DRG2: variants seen among roughly 807,000 people sequenced by gnomAD.
DRG2 encodes the protein developmentally-regulated GTP-binding protein 2.
A neutral mutation model predicts 53.4 loss-of-function variants in DRG2; 36 were observed. The ratio of observed to expected loss-of-function variants is 0.67; its 90% CI spans 0.52 to 0.89. The LOEUF is 0.89. Ranked by LOEUF, DRG2 falls within the 40% of genes least tolerant of loss-of-function variation. DRG2 has a pLI of 0.00. For missense variants in DRG2, 342 were observed against 481.2 expected, an observed-to-expected ratio of 0.71 and a Z score of 2.71; for synonymous variants, 167 against 192.1, an observed-to-expected ratio of 0.87 and a Z score of 1.08.
intron 1 of DRG2, among the ~76,000 whole-genome samples, chr17:18,089,267 A>C (rs2045270738): frequency 6.6e-6 from 1 of 152,138 alleles, no homozygotes; most frequent in African/African-American, 2.4e-5. Context: ...GCCTCCAAAT[A>C]GCTGGGATTA....
In DRG2 at chr17:18,099,136, A is replaced by G. The variant is rs1202519127; in HGVS notation, c.376+59A>G. Reference sequence around the variant, plus strand: ...TGGAGCTCTGTTACTGATCGTTGAAATTGGGTGTGGCTGTCATGGAGATCA... The same window carrying G: ...TGGAGCTCTGTTACTGATCGTTGAAGTTGGGTGTGGCTGTCATGGAGATCA... On this transcript the variant is annotated intron_variant, in intron 4 of 12. Transcript: ENST00000225729. The surrounding 1 kb of genome is among the most constrained non-coding windows in gnomAD (Gnocchi z 4.4). 1 of 1,607,938 alleles carries G rather than the reference A, an allele frequency of 6.2e-7. No homozygotes were observed. Among genetic ancestry groups the G allele is most frequent in the Admixed American group, 1.7e-5 (1 of 59,956 alleles).
At position 18,107,337 on chromosome 17, in the gene DRG2, C is replaced by A; in HGVS notation, c.*97C>A. The A allele has an allele frequency of 8.3e-7, 1 of 1,211,976 alleles. No individual in the cohort carries two copies. 75.1% of individuals were successfully genotyped at this position (1,211,976 alleles called of 1,614,324 possible). Reference sequence around the variant, plus strand: ...ACCCAAACAGAAAAATACAAATACACGTACCCCAGGAAGGGGTCCCTCAAG... The same window carrying A: ...ACCCAAACAGAAAAATACAAATACAAGTACCCCAGGAAGGGGTCCCTCAAG... On this transcript the variant is annotated 3_prime_UTR_variant, in exon 13 of 13. Transcript: ENST00000225729.
chr17:18,101,207 C>T (rs2045528103), intron 7 of DRG2, among the ~76,000 whole-genome samples: 1 of 152,214 alleles, frequency 6.6e-6, no homozygotes, highest in Non-Finnish European at 1.5e-5. Flanking sequence ...GTGCTAAAAC[C>T]CAGGCTTCCC....
intron 1 of DRG2, among the ~76,000 whole-genome samples, chr17:18,088,306 C>G (rs932042826): frequency 1.1e-4 from 17 of 152,248 alleles, no homozygotes; most frequent in African/African-American, 3.9e-4. Flanking sequence ...GAGATCTGGT[C>G]AGTCCCAGAC....
chr17:18,096,668 T>G (rs2045438607), intron 2 of DRG2: 1 of 152,274 alleles, frequency 6.6e-6, no homozygotes, highest in Non-Finnish European at 1.5e-5. Context: ...GGCGCTGACT[T>G]ACTTTTTTAC....
chr17:18,099,729 C>T lies in DRG2; in HGVS notation c.467+6C>T, dbSNP rs1203534881. On this transcript the variant is annotated splice_donor_region_variant and intron_variant, in intron 5 of 12. Transcript: ENST00000225729. This position sits in a 1 kb window ranked among gnomAD's most constrained non-coding sequence, Gnocchi z 4.4. Reference sequence around the variant, plus strand: ...ACCAAGGGAGAGGTGCAGAGGTCCGCAGGGTGGGGCATGGGGCAGGCTCAC... The same window carrying T: ...ACCAAGGGAGAGGTGCAGAGGTCCGTAGGGTGGGGCATGGGGCAGGCTCAC... The T allele has an allele frequency of 1.3e-6, 2 of 1,597,178 alleles. No individual in the cohort carries two copies. The highest frequency in any genetic ancestry group is 1.1e-5 in the South Asian group (1 of 87,870).
chr17:18,101,912 C>A lies in DRG2; in HGVS notation c.730-9C>A. The A allele has an allele frequency of 6.2e-7, 1 of 1,609,128 alleles. No homozygotes were observed. Among genetic ancestry groups the A allele is most frequent in the Non-Finnish European group, 8.5e-7 (1 of 1,177,264 alleles). ...TCCTCAGCACCGGCCTCCACCTTCT[C>A]AATCTCAGGTTTATAACAAAATCGA... is the stretch of plus-strand genomic sequence containing the variant. On this transcript the variant is annotated splice_polypyrimidine_tract_variant and intron_variant, in intron 8 of 12. Coordinates refer to ENST00000225729, the MANE Select transcript of DRG2 (RefSeq NM_001388.5).
At chr17:18,101,357 C>A in intron 7 of DRG2, 136 bp from the exon 8 acceptor site, 1 of 715,750 alleles carries the variant, frequency 1.4e-6, no homozygotes, top group Non-Finnish European at 2.3e-6. Context: ...GCATTACAAT[C>A]TTGCAAAACC....
rs1339179864 is a variant in DRG2 at position 18,098,843 on chromosome 17, CT to C, written c.316-173del. 6.6e-6 allele frequency among the ~76,000 whole-genome samples: 1 copy of C among 152,200 alleles called. No homozygotes were observed. Among genetic ancestry groups the C allele is most frequent in the East Asian group, 1.9e-4 (1 of 5,204 alleles). On this transcript the variant is annotated intron_variant, in intron 3 of 12. Transcript: ENST00000225729. The surrounding 1 kb of genome is among the most constrained non-coding windows in gnomAD (Gnocchi z 4.1). ...CCTAGGCGGCTACTCAGCTCATAGG[CT>C]GTGGTCTGCACTGGGCTGGGGTGGT... is the stretch of plus-strand genomic sequence containing the variant.
At position 18,099,580 on chromosome 17, in the gene DRG2, G is replaced by C; in HGVS notation, c.377-53G>C. On this transcript the variant is annotated intron_variant, in intron 4 of 12. Coordinates refer to ENST00000225729, the MANE Select transcript of DRG2 (RefSeq NM_001388.5). This position sits in a 1 kb window ranked among gnomAD's most constrained non-coding sequence, Gnocchi z 4.4. ...CAGGAGTCCAGGGCGCCGTGGGCTG[G>C]GTAGCAGTCACATGGGTCCACATAT... 6.4e-7 allele frequency: 1 copy of C among 1,553,740 alleles called. No individual in the cohort carries two copies. Among genetic ancestry groups the C allele is most frequent in the South Asian group, 1.2e-5 (1 of 84,464 alleles).
rs1356434508 is a variant in DRG2 at position 18,103,490 on chromosome 17, C to G, written c.807-311C>G. The stretch of plus-strand genomic sequence containing the variant: ...GGGTTCCTAGCCTTTGCCCATGGTC[C>G]CGTCACAGCCCCCGGCCATCTCGCC... On this transcript the variant is annotated intron_variant, in intron 9 of 12. Coordinates refer to ENST00000225729, the MANE Select transcript of DRG2 (RefSeq NM_001388.5). The surrounding 1 kb of genome is among the most constrained non-coding windows in gnomAD (Gnocchi z 4.4). Among the ~76,000 whole-genome samples, 1 of 152,168 alleles carries G rather than the reference C, an allele frequency of 6.6e-6. No individual in the cohort carries two copies. The highest frequency in any genetic ancestry group is 1.5e-5 in the Non-Finnish European group (1 of 68,024).
Position 18,103,817 on chromosome 17 carries a change from A to C in DRG2, c.823A>C (p.Asn275His). ...SVVISCGMKL[N>H]LDYLLEMLWE... ...TCTTTGCAGCTGCGGCATGAAGCTG[A>C]ACCTGGACTATCTGCTGGAGATGCT... Residue 275 changes from asparagine (N) to histidine (H), a missense_variant, in exon 10 of 13, where the codon AAC becomes CAC. Physicochemically the swap from Asn to His is moderately conservative, Grantham distance 68. Coordinates refer to ENST00000225729, the MANE Select transcript of DRG2 (RefSeq NM_001388.5). This position sits in a 1 kb window ranked among gnomAD's most constrained non-coding sequence, Gnocchi z 4.4. 1 of 1,614,142 alleles carries C rather than the reference A, an allele frequency of 6.2e-7. No homozygotes were observed. Among genetic ancestry groups the C allele is most frequent in the Non-Finnish European group, 8.5e-7 (1 of 1,180,040 alleles).
intron 1 of DRG2, among the ~76,000 whole-genome samples, chr17:18,089,775 G>A (rs970011924): frequency 6.6e-6 from 1 of 152,168 alleles, no homozygotes; most frequent in African/African-American, 2.4e-5. Flanking sequence ...GGCAGAAAGA[G>A]CAGCTAGTGC....
chr17:18,093,712 A>C, intron 1 of DRG2, 101 bp from the exon 2 acceptor site: 1 of 1,359,078 alleles, frequency 7.4e-7, no homozygotes. Context: ...CCTTGACAGC[A>C]GTTGCTTCCC....
rs748583244 is a variant in DRG2, at chr17:18,100,128, C to G, written c.468-235C>G. ...TGTGGTCACCTCGCGGGGGCTCCAC[C>G]ACTTGCCTGTGCATGCCGACCGTAA... On this transcript the variant is annotated intron_variant, in intron 5 of 12. Coordinates refer to ENST00000225729, the MANE Select transcript of DRG2 (RefSeq NM_001388.5). The surrounding 1 kb of genome is among the most constrained non-coding windows in gnomAD (Gnocchi z 4.1). The G allele has an allele frequency of 2.5e-5, 15 of 598,788 alleles. No homozygotes were observed. The highest frequency in any genetic ancestry group is 3.6e-5 in the Non-Finnish European group (12 of 337,256). 37.1% of individuals were successfully genotyped at this position (598,788 alleles called of 1,614,324 possible).
Position 18,098,391 on chromosome 17 carries a change from G to A in DRG2, c.315+32G>A, listed in dbSNP as rs1337709604. On this transcript the variant is annotated intron_variant, in intron 3 of 12. Coordinates refer to ENST00000225729, the MANE Select transcript of DRG2 (RefSeq NM_001388.5). This position sits in a 1 kb window ranked among gnomAD's most constrained non-coding sequence, Gnocchi z 4.1. The stretch of plus-strand genomic sequence containing the variant: ...GGGTGTGCTGGGCCCAGAAGGAGAA[G>A]GGGCGCATGCTTGTGTTTGGACTTG... 2 of 1,594,846 alleles carry A rather than the reference G, an allele frequency of 1.3e-6. No individual in the cohort carries two copies. The highest frequency in any genetic ancestry group is 1.7e-6 in the Non-Finnish European group (2 of 1,162,900).
At chr17:18,104,583 C>A in intron 10 of DRG2, 40 bp from the exon 11 acceptor site, 1 of 1,613,456 alleles carries the variant, frequency 6.2e-7, no homozygotes, top group South Asian at 1.1e-5. Context: ...CAGTGTGGGC[C>A]CTGATGTGTG....
chr17:18,107,494 C>A lies in DRG2; in HGVS notation c.*254C>A, dbSNP rs79819956. On this transcript the variant is annotated 3_prime_UTR_variant, in exon 13 of 13. Transcript: ENST00000225729. ...TTTTGAGTTTGTAGTGCTGAGCCTG[C>A]ATCTGTGCCTCCCAGCCCCCTGCAC... 5,455 of 539,748 alleles carry A rather than the reference C, an allele frequency of 0.01. 150 individuals are homozygous for A. The highest frequency in any genetic ancestry group is 0.087 in the East Asian group (2,716 of 31,178). 33.4% of individuals were successfully genotyped at this position (539,748 alleles called of 1,614,324 possible).
chr17:18,099,573 T>C lies in DRG2; in HGVS notation c.377-60T>C, dbSNP rs2045491727. 1.3e-6 allele frequency: 2 copies of C among 1,542,806 alleles called. No homozygotes were observed. The highest frequency in any genetic ancestry group is 1.8e-6 in the Non-Finnish European group (2 of 1,137,546). On this transcript the variant is annotated intron_variant, in intron 4 of 12. Transcript: ENST00000225729. This position sits in a 1 kb window ranked among gnomAD's most constrained non-coding sequence, Gnocchi z 4.4. ...TAAAGGACAGGAGTCCAGGGCGCCG[T>C]GGGCTGGGTAGCAGTCACATGGGTC...
Sources: allele counts gnomAD v4.1 joint callset (sites outside exome capture counted in the v4.1 genomes callset), GRCh38; gene constraint gnomAD v4.1.1; non-coding constraint Gnocchi (gnomAD v3.1); transcripts MANE v1.5; gene names NCBI Gene and HGNC (gene_info 2026-07-23, HGNC 2026-07-21).